The following NIN variants were observed in gnomAD, a reference collection of about 807,000 sequenced individuals.
NIN encodes glycogen synthase kinase 3 beta-interacting protein.
Under a neutral mutation model 257.6 loss-of-function variants are expected in NIN, and 137 were observed. The ratio of observed to expected loss-of-function variants is 0.53; its 90% CI spans 0.46 to 0.61. The LOEUF is 0.61. NIN is among the 20% of genes least tolerant of loss of function. The pLI, the probability that NIN is intolerant of heterozygous loss-of-function variation, is 0.00. For missense variants in NIN, 2,439 were observed against 2,501.2 expected, an observed-to-expected ratio of 0.98 and a Z score of 0.53; for synonymous variants, 918 against 919.8, an observed-to-expected ratio of 1.00 and a Z score of 0.04.
intron 20 of NIN, 116 bp from the exon 21 acceptor site, chr14:50,752,849 T>C: frequency 1.8e-6 from 1 of 550,272 alleles, no homozygotes; most frequent in South Asian, 2.8e-5. Flanking sequence ...GTTTAAAATA[T>C]ATATATATTT....
At chr14:50,788,642 C>T (rs1180181028) in intron 5 of NIN, among the ~76,000 whole-genome samples, 1 of 152,206 alleles carries the variant, frequency 6.6e-6, no homozygotes, top group Non-Finnish European at 1.5e-5. Flanking sequence ...ACTATGAAAT[C>T]ACCTTAGAGG....
At chr14:50,791,808 C>CAT (rs1566851393) in intron 5 of NIN, among the ~76,000 whole-genome samples, 10 of 19,082 alleles carry the variant, frequency 5.2e-4, no homozygotes, top group African/African-American at 9.1e-4. Flanking sequence ...GGTGCACGCG[C>CAT]ACACACACAC....
chr14:50,782,730 G>T (rs2141927545), intron 5 of NIN, among the ~76,000 whole-genome samples: 1 of 152,292 alleles, frequency 6.6e-6, no homozygotes, highest in South Asian at 2.1e-4. Flanking sequence ...TATTTCCTGT[G>T]ACTTGGGGGT....
chr14:50,755,874 T>C (rs1047036827), intron 18 of NIN, among the ~76,000 whole-genome samples: 2 of 152,002 alleles, frequency 1.3e-5, no homozygotes, highest in Non-Finnish European at 2.9e-5. Flanking sequence ...CTATGTTCCC[T>C]AGGCTTGCCT....
chr14:50,732,411 T>C (rs771215639), intron 28 of NIN, among the ~76,000 whole-genome samples: 13 of 152,154 alleles, frequency 8.5e-5, no homozygotes, highest in Non-Finnish European at 1.2e-4. Flanking sequence ...ATTAACCTAC[T>C]CTATAGGTAT....
intron 2 of NIN, among the ~76,000 whole-genome samples, chr14:50,822,392 C>G (rs1340011664): frequency 1.3e-5 from 2 of 152,224 alleles, no homozygotes; most frequent in Non-Finnish European, 2.9e-5. Flanking sequence ...AGGCGGACAG[C>G]CAGACTGCCA....
chr14:50,820,428 G>A (rs775655045), intron 3 of NIN, among the ~76,000 whole-genome samples: 1 of 152,166 alleles, frequency 6.6e-6, no homozygotes, highest in Non-Finnish European at 1.5e-5. Flanking sequence ...GGAAACCTTA[G>A]TTGTATCATG....
intron 2 of NIN, among the ~76,000 whole-genome samples, chr14:50,823,953 G>C (rs1457514390): frequency 2.0e-5 from 3 of 152,206 alleles, no homozygotes; most frequent in Non-Finnish European, 4.4e-5. Context: ...TCGCTAACAA[G>C]ATTCACTTAG....
intron 21 of NIN, among the ~76,000 whole-genome samples, chr14:50,749,495 A>T (rs1197163086): frequency 6.6e-6 from 1 of 152,060 alleles, no homozygotes; most frequent in African/African-American, 2.4e-5. Flanking sequence ...AGACTATACA[A>T]ATTCTATTTC....
chr14:50,740,215 C>A (rs867441322), intron 25 of NIN, among the ~76,000 whole-genome samples: 1 of 150,560 alleles, frequency 6.6e-6, no homozygotes, highest in East Asian at 1.9e-4. Context: ...GAGACAGACT[C>A]TCACTCTGTC....
At chr14:50,799,239 C>T (rs1233251978) in intron 4 of NIN, among the ~76,000 whole-genome samples, 2 of 152,154 alleles carry the variant, frequency 1.3e-5, no homozygotes, top group Non-Finnish European at 2.9e-5. Flanking sequence ...GACTTAGTTT[C>T]CTCATCTGGA....
rs373370758 is a variant in NIN at position 50,791,807 on chromosome 14, G to GCACA, written c.435+901_435+904dup. 1.1e-3 allele frequency among the ~76,000 whole-genome samples: 133 copies of GCACA among 116,768 alleles called. 1 individual carries two copies. Among genetic ancestry groups the GCACA allele is most frequent in the African/African-American group, 5.3e-3 (122 of 23,088 alleles). The allele number at this position is 116,768 out of a possible 152,430, so 76.6% of individuals were successfully genotyped here. A position where few individuals can be genotyped will look rare whatever the true frequency, so the allele number is the denominator to read the frequency against. On this transcript the variant is annotated intron_variant, in intron 5 of 30. Coordinates refer to ENST00000530997, the MANE Select transcript of NIN (RefSeq NM_020921.4). The stretch of plus-strand genomic sequence containing the variant: ...CCACAATGAACACACAGGTGCACGC[G>GCACA]CACACACACACACACACACACACAC...
At chr14:50,822,523 T>C (rs1225071382) in intron 2 of NIN, among the ~76,000 whole-genome samples, 1 of 152,222 alleles carries the variant, frequency 6.6e-6, no homozygotes, top group South Asian at 2.1e-4. Context: ...GCAGACTGCA[T>C]GGTCAGAGCT....
intron 28 of NIN, chr14:50,731,073 G>A (rs1310671268): frequency 1.4e-5 from 7 of 496,450 alleles, no homozygotes; most frequent in Non-Finnish European, 1.8e-5. Context: ...AGAAAGAACA[G>A]TACTAATTAG....
chr14:50,770,627 A>G (rs774702270), intron 11 of NIN, 65 bp from the exon 12 acceptor site: 1 of 1,560,034 alleles, frequency 6.4e-7, no homozygotes, highest in Admixed American at 1.8e-5. Flanking sequence ...TCAATCTACC[A>G]AAAATGGAAA....
intron 29 of NIN, chr14:50,727,635 G>T (rs2040474295): frequency 2.8e-6 from 4 of 1,443,676 alleles, no homozygotes; most frequent in Non-Finnish European, 3.7e-6. Context: ...TGCATGGGTG[G>T]GTGTGTGCAT....
intron 2 of NIN, chr14:50,823,419 GTCCA>G: frequency 2.4e-6 from 1 of 412,412 alleles, no homozygotes; most frequent in Admixed American, 3.5e-5. Flanking sequence ...AGAGGTGATC[GTCCA>G]TACGGCAGAT....
chr14:50,758,104 G>A lies in NIN; in HGVS notation c.2926C>T (p.His976Tyr), dbSNP rs759581251. Reference sequence around the variant, plus strand: ...ATCATTTCCTGCCTTTCCTGGTCATGTTCCATTTCTAGTCTTTCCAGCCGC... The same window carrying A: ...ATCATTTCCTGCCTTTCCTGGTCATATTCCATTTCTAGTCTTTCCAGCCGC... ...SQRLERLEMEHDQERQEMMSK... is the reference protein window; with the variant it reads ...SQRLERLEMEYDQERQEMMSK... The change falls in exon 18 of 31, where the codon CAT becomes TAT. Residue 976 changes from histidine (H) to tyrosine (Y), a missense_variant. Coordinates refer to ENST00000530997, the MANE Select transcript of NIN (RefSeq NM_020921.4). 20 of 1,614,074 alleles carry A rather than the reference G, an allele frequency of 1.2e-5. No individual in the cohort carries two copies. The highest frequency in any genetic ancestry group is 4.2e-6 in the Non-Finnish European group (5 of 1,180,044).
chr14:50,778,702 G>T, intron 6 of NIN, 63 bp downstream of exon 6: 1 of 1,415,660 alleles, frequency 7.1e-7, no homozygotes, highest in Non-Finnish European at 1.0e-6. Flanking sequence ...CAGAAAGACC[G>T]GGTGTGGAGA....
Sources: gnomAD v4.1 joint callset for allele counts (sites outside exome capture counted in the v4.1 genomes callset) on GRCh38, gnomAD v4.1.1 for gene constraint, MANE v1.5 for transcripts, NCBI Gene and HGNC (gene_info 2026-07-23, HGNC 2026-07-21) for gene names.